The following GNAZ variants were observed in gnomAD, a reference collection of about 807,000 sequenced individuals.
The protein encoded by GNAZ is guanine nucleotide-binding protein G(z) subunit alpha.
A neutral mutation model predicts 25.4 loss-of-function variants in GNAZ; 3 were observed. The observed-to-expected ratio is 0.12, with a 90% confidence interval of 0.05 to 0.30. The LOEUF is 0.30. Among genes scored for constraint, GNAZ ranks in the 10% least tolerant of loss-of-function variants. The pLI, the probability that GNAZ is intolerant of heterozygous loss-of-function variation, is 1.00. For missense variants in GNAZ, 241 were observed against 501.8 expected (o/e 0.48, Z 4.97); for synonymous variants, 211 against 205.7 (o/e 1.03, Z -0.22).
chr22:23,119,494 C>A (rs1019914933), intron 2 of GNAZ, among the ~76,000 whole-genome samples: 5 of 152,252 alleles, frequency 3.3e-5, no homozygotes, highest in Admixed American at 6.5e-5. Context: ...ACCCACGATG[C>A]AGCTCCTGCC....
intron 2 of GNAZ, among the ~76,000 whole-genome samples, chr22:23,110,455 C>G (rs570013208): frequency 6.6e-6 from 1 of 152,344 alleles, no homozygotes; most frequent in South Asian, 2.1e-4. Context: ...GAACAGGTCA[C>G]CAGAGGTCCT....
chr22:23,123,725 C>A lies in GNAZ; in HGVS notation c.*294C>A. 1 of 403,240 alleles carries A rather than the reference C, an allele frequency of 2.5e-6. No individual in the cohort carries two copies. The highest frequency in any genetic ancestry group is 4.5e-6 in the Non-Finnish European group (1 of 221,220). The allele number at this position is 403,240 out of a possible 1,614,324, so 25.0% of individuals were successfully genotyped here. On this transcript the variant is annotated 3_prime_UTR_variant, in exon 3 of 3. Transcript: ENST00000615612. ...GAAGCTGTCACAAGGTCACTACAAG[C>A]CCAACCTGCCCCTTCACTTTGCCTT...
At chr22:23,092,266 C>T (rs1490844412) in intron 1 of GNAZ, among the ~76,000 whole-genome samples, 1 of 152,192 alleles carries the variant, frequency 6.6e-6, no homozygotes, top group East Asian at 1.9e-4. Context: ...AGAAGTCAAG[C>T]CTCAGAATAG....
intron 1 of GNAZ, among the ~76,000 whole-genome samples, chr22:23,082,838 TTCA>T (rs2068719415): frequency 6.6e-6 from 1 of 152,138 alleles, no homozygotes; most frequent in Admixed American, 6.5e-5. Context: ...AGATGCTGGT[TTCA>T]CAGAGCTGAG....
chr22:23,116,693 C>A (rs947477259), intron 2 of GNAZ, among the ~76,000 whole-genome samples: 1 of 152,176 alleles, frequency 6.6e-6, no homozygotes, highest in Non-Finnish European at 1.5e-5. Context: ...CCTGGATGAG[C>A]CTCTCACCTC....
At chr22:23,076,652 A>G (rs5751575) in intron 1 of GNAZ, among the ~76,000 whole-genome samples, 18,610 of 152,250 alleles carry the variant, frequency 0.12, 1,417 homozygotes, top group East Asian at 0.33. Context: ...CAGTGATGCA[A>G]TGTGACTCAG....
intron 2 of GNAZ, among the ~76,000 whole-genome samples, chr22:23,107,777 C>T (rs935811183): frequency 3.9e-5 from 6 of 152,190 alleles, no homozygotes; most frequent in Admixed American, 1.3e-4. Flanking sequence ...CACCAGAATA[C>T]GGGATCAGAT....
Position 23,124,095 on chromosome 22 carries a change from G to A in GNAZ, c.*664G>A, listed in dbSNP as rs1178080375. The A allele has an allele frequency of 4.7e-6, 1 of 214,102 alleles. No homozygotes were observed. The highest frequency in any genetic ancestry group is 9.7e-6 in the Non-Finnish European group (1 of 103,442). 13.3% of individuals were successfully genotyped at this position (214,102 alleles called of 1,614,324 possible). A position where few individuals can be genotyped will look rare whatever the true frequency, so the allele number is the denominator to read the frequency against. On this transcript the variant is annotated 3_prime_UTR_variant, in exon 3 of 3. Coordinates refer to ENST00000615612, the MANE Select transcript of GNAZ (RefSeq NM_002073.4). ...AAAAACCAATACAACAAAACGAGTG[G>A]CACGATTTATTTCAAACTAGGCCAG... is the stretch of plus-strand genomic sequence containing the variant.
At chr22:23,099,132 C>T (rs909302732) in intron 2 of GNAZ, among the ~76,000 whole-genome samples, 1 of 152,228 alleles carries the variant, frequency 6.6e-6, no homozygotes, top group South Asian at 2.1e-4. Context: ...CCACGCCTGG[C>T]GAAGGAGCCA....
intron 2 of GNAZ, among the ~76,000 whole-genome samples, chr22:23,097,643 G>T (rs371387295): frequency 6.6e-6 from 1 of 152,266 alleles, no homozygotes. Context: ...TGCTCTCCAG[G>T]GTTCTGGCCC....
chr22:23,078,686 G>C (rs189428275), intron 1 of GNAZ, among the ~76,000 whole-genome samples: 27 of 152,358 alleles, frequency 1.8e-4, no homozygotes, highest in Admixed American at 6.5e-4. Flanking sequence ...CCAGGGTTTG[G>C]GGGATTATCC....
intron 2 of GNAZ, among the ~76,000 whole-genome samples, chr22:23,106,852 C>A (rs1225979753): frequency 6.6e-6 from 1 of 152,230 alleles, no homozygotes; most frequent in Non-Finnish European, 1.5e-5. Flanking sequence ...ACCTGGACAT[C>A]CCGCTGCTGC....
At chr22:23,105,385 C>T (rs2069436249) in intron 2 of GNAZ, among the ~76,000 whole-genome samples, 1 of 152,242 alleles carries the variant, frequency 6.6e-6, no homozygotes, top group Admixed American at 6.5e-5. Flanking sequence ...TGGCCATAGG[C>T]AGAGGTTCCC....
At chr22:23,078,597 A>T (rs1405109234) in intron 1 of GNAZ, among the ~76,000 whole-genome samples, 1 of 152,076 alleles carries the variant, frequency 6.6e-6, no homozygotes, top group Non-Finnish European at 1.5e-5. Flanking sequence ...TGGAATGGAT[A>T]GAGGAGGTGT....
chr22:23,111,921 TG>T (rs1365214033), intron 2 of GNAZ, among the ~76,000 whole-genome samples: 1 of 151,996 alleles, frequency 6.6e-6, no homozygotes, highest in East Asian at 1.9e-4. Flanking sequence ...GATCACAGAG[TG>T]TGTCACTAGG....
Position 23,124,398 on chromosome 22 carries a change from C to A in GNAZ, c.*967C>A. The A allele has an allele frequency of 6.4e-6, 3 of 469,954 alleles. No individual in the cohort carries two copies. The highest frequency in any genetic ancestry group is 4.7e-5 in the South Asian group (3 of 64,470). 29.1% of individuals were successfully genotyped at this position (469,954 alleles called of 1,614,324 possible). On this transcript the variant is annotated 3_prime_UTR_variant, in exon 3 of 3. Coordinates refer to ENST00000615612, the MANE Select transcript of GNAZ (RefSeq NM_002073.4). ...TATCTGGACGATCTGTCTCTCTGCT[C>A]CAAAGAAATTTTGGAGTGAGTGGCA...
At chr22:23,096,509 G>A (rs918176247) in intron 2 of GNAZ, 91 bp downstream of exon 2, 1 of 1,339,444 alleles carries the variant, frequency 7.5e-7, no homozygotes, top group African/African-American at 1.5e-5. Flanking sequence ...ACAGTCTGCA[G>A]CCAGAAAGGG....
At chr22:23,073,241 C>T (rs1195483757) in intron 1 of GNAZ, among the ~76,000 whole-genome samples, 1 of 152,258 alleles carries the variant, frequency 6.6e-6, no homozygotes, top group African/African-American at 2.4e-5. Flanking sequence ...GCAAGGAAAC[C>T]TGGGGTAGCC....
chr22:23,104,713 G>A (rs981300764), intron 2 of GNAZ, among the ~76,000 whole-genome samples: 1 of 151,124 alleles, frequency 6.6e-6, no homozygotes, highest in Non-Finnish European at 1.5e-5. Context: ...CAGTGTAGAT[G>A]GGGGGATCTG....
Sources: allele counts gnomAD v4.1 joint callset (sites outside exome capture counted in the v4.1 genomes callset), GRCh38; gene constraint gnomAD v4.1.1; transcripts MANE v1.5; gene names NCBI Gene and HGNC (gene_info 2026-07-23, HGNC 2026-07-21).